CLCN5: variants seen among roughly 807,000 people sequenced by gnomAD.
CLCN5 encodes the protein H(+)/Cl(-) exchange transporter 5.
A neutral mutation model predicts 54.0 loss-of-function variants in CLCN5; 17 were observed. The ratio of observed to expected loss-of-function variants is 0.31; its 90% CI spans 0.22 to 0.47. The LOEUF is 0.47. Ranked by LOEUF, CLCN5 falls within the 20% of genes least tolerant of loss-of-function variation. CLCN5 has a pLI of 1.00. For missense variants in CLCN5, 448 were observed against 646.7 expected (o/e 0.69, Z 3.33); for synonymous variants, 222 against 233.0 (o/e 0.95, Z 0.43).
chrX:49,950,648 A>C (rs1188278920), intron 3 of CLCN5, among the ~76,000 whole-genome samples: 2 of 111,852 alleles, frequency 1.8e-5, no homozygotes, highest in African/African-American at 6.5e-5. Flanking sequence ...AAAATGTAGA[A>C]TATCTCAACA....
chrX:50,012,512 C>T (rs1368924291), intron 3 of CLCN5, among the ~76,000 whole-genome samples: 3 of 112,312 alleles, frequency 2.7e-5, no homozygotes, highest in African/African-American at 9.7e-5. Context: ...GATGCTCGAG[C>T]CTTCTATTCA....
intron 3 of CLCN5, among the ~76,000 whole-genome samples, chrX:49,983,465 T>G (rs1267973560): frequency 9.1e-6 from 1 of 109,904 alleles, no homozygotes; most frequent in Non-Finnish European, 1.9e-5. Context: ...GGCATTAACT[T>G]TGTATTTAGA....
At chrX:49,969,079 T>A (rs1316579092) in intron 3 of CLCN5, among the ~76,000 whole-genome samples, 1 of 111,484 alleles carries the variant, frequency 9.0e-6, no homozygotes, top group Non-Finnish European at 1.9e-5. Flanking sequence ...TTTCTTTCTT[T>A]CTTTCTTTTT....
chrX:49,925,229 C>T lies in CLCN5; in HGVS notation c.-70C>T, dbSNP rs928169825. On this transcript the variant is annotated 5_prime_UTR_variant, in exon 3 of 15. Coordinates refer to ENST00000376091, the MANE Select transcript of CLCN5 (RefSeq NM_001127898.4). ...CCACATAGCTGCCTTTCTATCAAGT[C>T]TCCCTACAAAACTGAGAGGCTCTGG... The T allele has an allele frequency of 7.2e-6, 8 of 1,114,109 alleles. No homozygotes were observed. The highest frequency in any genetic ancestry group is 9.9e-6 in the Non-Finnish European group (8 of 807,339). 91.8% of individuals were successfully genotyped at this position (1,114,109 alleles called of 1,213,427 possible). A position where few individuals can be genotyped will look rare whatever the true frequency, so the allele number is the denominator to read the frequency against.
At chrX:50,005,515 A>G (rs782370997) in intron 3 of CLCN5, among the ~76,000 whole-genome samples, 1 of 111,938 alleles carries the variant, frequency 8.9e-6, no homozygotes, top group Admixed American at 9.5e-5. Flanking sequence ...GATAGGATAA[A>G]TGTTTGGTTC....
At chrX:50,066,923 A>G (rs1967372605) in intron 4 of CLCN5, among the ~76,000 whole-genome samples, 1 of 92,857 alleles carries the variant, frequency 1.1e-5, no homozygotes, top group South Asian at 3.7e-4. Context: ...ATTTGTACAT[A>G]AGCATAAAAC....
chrX:50,001,230 T>G (rs1929787097), intron 3 of CLCN5, among the ~76,000 whole-genome samples: 1 of 110,747 alleles, frequency 9.0e-6, no homozygotes, highest in Non-Finnish European at 1.9e-5. Context: ...TTGATCCCCC[T>G]CTCCTTACTG....
chrX:49,955,991 G>GT (rs1304810661), intron 3 of CLCN5, among the ~76,000 whole-genome samples: 2 of 111,687 alleles, frequency 1.8e-5, no homozygotes, highest in African/African-American at 6.5e-5. Flanking sequence ...GTATAGAACT[G>GT]TACCACTATT....
At chrX:50,060,202 G>T (rs1445138704) in intron 4 of CLCN5, among the ~76,000 whole-genome samples, 1 of 110,668 alleles carries the variant, frequency 9.0e-6, no homozygotes, top group East Asian at 2.9e-4. Flanking sequence ...CCCAGCGTGA[G>T]CGACGCAGAA....
chrX:49,948,417 T>A (rs1197284413), intron 3 of CLCN5, among the ~76,000 whole-genome samples: 1 of 111,561 alleles, frequency 9.0e-6, no homozygotes, highest in Non-Finnish European at 1.9e-5. Flanking sequence ...TAAAATCAGC[T>A]AGCTGAATGA....
chrX:49,951,804 ACT>A (rs1440600613), intron 3 of CLCN5, among the ~76,000 whole-genome samples: 1 of 111,728 alleles, frequency 9.0e-6, no homozygotes, highest in African/African-American at 3.3e-5. Context: ...CCAAACGGAA[ACT>A]CTGTGTGGCA....
intron 6 of CLCN5, 104 bp downstream of exon 6, chrX:50,072,692 C>G: frequency 6.6e-6 from 4 of 609,579 alleles, no homozygotes; most frequent in Non-Finnish European, 5.6e-6. Context: ...TGTTTTTCTA[C>G]CTTAAATGAA....
intron 3 of CLCN5, among the ~76,000 whole-genome samples, chrX:50,001,520 G>T (rs1929811347): frequency 9.2e-6 from 1 of 108,297 alleles, no homozygotes; most frequent in African/African-American, 3.4e-5. Context: ...CAACATGCAG[G>T]TTTGTTACAT....
intron 3 of CLCN5, among the ~76,000 whole-genome samples, chrX:50,029,949 G>A (rs1352562720): frequency 8.9e-6 from 1 of 111,837 alleles, no homozygotes; most frequent in Non-Finnish European, 1.9e-5. Flanking sequence ...TGTTTATTGC[G>A]GCACTATTCA....
At chrX:50,043,012 A>G (rs1932278570) in intron 4 of CLCN5, among the ~76,000 whole-genome samples, 1 of 111,914 alleles carries the variant, frequency 8.9e-6, no homozygotes, top group South Asian at 3.7e-4. Context: ...CCATCCTAGT[A>G]TAATACGTAT....
chrX:50,018,706 A>T (rs1241953432), intron 3 of CLCN5, among the ~76,000 whole-genome samples: 1 of 112,378 alleles, frequency 8.9e-6, no homozygotes, highest in African/African-American at 3.2e-5. Flanking sequence ...GTTGATTTAT[A>T]TGATCATGTG....
At chrX:49,935,510 G>A (rs1557169503) in intron 3 of CLCN5, among the ~76,000 whole-genome samples, 1 of 111,992 alleles carries the variant, frequency 8.9e-6, no homozygotes, top group African/African-American at 3.3e-5. Flanking sequence ...TGGGGGAGTT[G>A]GAGTGCAAAT....
At chrX:50,089,994 G>A in intron 12 of CLCN5, 122 bp from the exon 13 acceptor site, 2 of 684,310 alleles carry the variant, frequency 2.9e-6, no homozygotes, top group Admixed American at 2.2e-5. Context: ...AATCTCTGGG[G>A]TCTGCACAGT....
At chrX:50,039,166 C>T (rs1158387890) in intron 3 of CLCN5, among the ~76,000 whole-genome samples, 3 of 111,318 alleles carry the variant, frequency 2.7e-5, no homozygotes, top group Non-Finnish European at 3.8e-5. Context: ...CAGTGACGCA[C>T]GCCTGTAGTC....
Sources: gnomAD v4.1 joint callset for allele counts (sites outside exome capture counted in the v4.1 genomes callset) on GRCh38, gnomAD v4.1.1 for gene constraint, MANE v1.5 for transcripts, NCBI Gene and HGNC (gene_info 2026-07-23, HGNC 2026-07-21) for gene names.